The following RARRES1 variants were observed in gnomAD, a reference collection of about 807,000 sequenced individuals.
The protein encoded by RARRES1 is retinoic acid receptor responder 1, also known as retinoic acid receptor responder protein 1.
In RARRES1, 34 loss-of-function variants were observed where a neutral mutation model predicts 30.6. That is an observed-to-expected ratio of 1.11 (90% confidence interval 0.84 to 1.48). RARRES1 has a LOEUF of 1.48. RARRES1 is among the 40% of genes most tolerant of loss of function. RARRES1 has a pLI of 0.00. For missense variants in RARRES1, 373 were observed against 386.5 expected (o/e 0.97, Z 0.29); for synonymous variants, 153 against 155.5 (o/e 0.98, Z 0.12).
In RARRES1 at chr3:158,697,893, AATGTT is replaced by A; in HGVS notation, c.735+10_735+14del. ...TTATGGTAAAAACAATTCTACATAC[AATGTT>A]ATGTTTTACCTGTGTTGATAATTCA... On this transcript the variant is annotated intron_variant, in intron 5 of 5. Transcript: ENST00000237696. 6.4e-7 allele frequency: 1 copy of A among 1,559,004 alleles called. No homozygotes were observed. The highest frequency in any genetic ancestry group is 8.8e-7 in the Non-Finnish European group (1 of 1,131,640).
At chr3:158,710,478 G>A (rs916743168) in intron 3 of RARRES1, among the ~76,000 whole-genome samples, 2 of 152,162 alleles carry the variant, frequency 1.3e-5, no homozygotes, top group Admixed American at 6.5e-5. Flanking sequence ...AAAGTGCTGG[G>A]ATTACAGGCA....
intron 4 of RARRES1, among the ~76,000 whole-genome samples, chr3:158,700,603 A>G (rs940634742): frequency 6.6e-6 from 1 of 152,176 alleles, no homozygotes; most frequent in Non-Finnish European, 1.5e-5. Flanking sequence ...CAGCTTATTT[A>G]AAAAAATGCA....
At chr3:158,728,568 G>T (rs887067641) in intron 1 of RARRES1, among the ~76,000 whole-genome samples, 2 of 145,348 alleles carry the variant, frequency 1.4e-5, no homozygotes, top group East Asian at 4.1e-4. Context: ...CTGTCACCCA[G>T]GCTGGAGTGC....
chr3:158,700,877 C>G (rs1022257824), intron 4 of RARRES1, among the ~76,000 whole-genome samples: 3 of 152,074 alleles, frequency 2.0e-5, no homozygotes, highest in African/African-American at 7.2e-5. Context: ...GGTCATAACC[C>G]AACCCACCCC....
chr3:158,702,845 A>G (rs1314894396), intron 4 of RARRES1, among the ~76,000 whole-genome samples: 1 of 152,228 alleles, frequency 6.6e-6, no homozygotes, highest in Non-Finnish European at 1.5e-5. Flanking sequence ...AAAGCATTCT[A>G]TATGGGGAAA....
chr3:158,704,004 T>C (rs1726821708), intron 4 of RARRES1, among the ~76,000 whole-genome samples: 1 of 152,066 alleles, frequency 6.6e-6, no homozygotes, highest in Non-Finnish European at 1.5e-5. Context: ...TCCTATAAGC[T>C]TCCCCAATCG....
In RARRES1 at chr3:158,705,020, A is replaced by G. The variant is rs143247006; in HGVS notation, c.536-93T>C. 2,163 of 1,469,934 alleles carry G rather than the reference A, an allele frequency of 1.5e-3. 35 individuals carry two copies. In the African/African-American group the frequency reaches 0.027, roughly 18 times the overall value. The allele number at this position is 1,469,934 out of a possible 1,614,324, so 91.1% of individuals were successfully genotyped here. ...AATGAAATAGGGTTTAAACTTAGTC[A>G]TACCAGTCATCTCTCTCACAGCAAG... is the stretch of plus-strand genomic sequence containing the variant. On this transcript the variant is annotated intron_variant, in intron 3 of 5. Coordinates refer to ENST00000237696, the MANE Select transcript of RARRES1 (RefSeq NM_206963.2).
At chr3:158,699,791 T>A (rs1726665998) in intron 4 of RARRES1, among the ~76,000 whole-genome samples, 1 of 152,216 alleles carries the variant, frequency 6.6e-6, no homozygotes, top group Admixed American at 6.5e-5. Context: ...AGAGAATTCA[T>A]GAGAGAAAAT....
At chr3:158,705,285 T>C (rs924009143) in intron 3 of RARRES1, among the ~76,000 whole-genome samples, 1 of 152,140 alleles carries the variant, frequency 6.6e-6, no homozygotes, top group Non-Finnish European at 1.5e-5. Flanking sequence ...CTGAGCTGCT[T>C]CTCCCTGAGA....
At chr3:158,710,218 T>G (rs973368804) in intron 3 of RARRES1, among the ~76,000 whole-genome samples, 7 of 151,894 alleles carry the variant, frequency 4.6e-5, no homozygotes, top group Middle Eastern at 3.4e-3. Flanking sequence ...TTTTTTTTTT[T>G]TTTTTGGAGA....
At chr3:158,710,972 A>G in intron 2 of RARRES1, 39 bp from the exon 3 acceptor site, 2 of 1,543,288 alleles carry the variant, frequency 1.3e-6, no homozygotes, top group South Asian at 2.2e-5. Flanking sequence ...CCTCCCACTC[A>G]CCCCAGTGCA....
intron 4 of RARRES1, among the ~76,000 whole-genome samples, chr3:158,703,446 C>T (rs1726802526): frequency 6.6e-6 from 1 of 152,154 alleles, no homozygotes; most frequent in African/African-American, 2.4e-5. Flanking sequence ...ACCCTTTCAG[C>T]CCTATGCTCA....
chr3:158,698,328 A>G (rs1387423632), intron 4 of RARRES1: 1 of 187,758 alleles, frequency 5.3e-6, no homozygotes, highest in Non-Finnish European at 1.1e-5. Context: ...GGGAGGGGCA[A>G]TCAGTAATTC....
intron 1 of RARRES1, among the ~76,000 whole-genome samples, chr3:158,720,273 T>TGTGTGTGTGTGTGTGTGTGTGAGA (rs1160861397): frequency 6.9e-6 from 1 of 144,450 alleles, no homozygotes; most frequent in African/African-American, 2.6e-5. Context: ...TGTATGTGTG[T>TGTGTGTGTGTGTGTGTGTGTGAGA]GAGAGAGAGA....
intron 2 of RARRES1, among the ~76,000 whole-genome samples, chr3:158,713,450 G>A (rs962043211): frequency 3.3e-5 from 5 of 152,150 alleles, no homozygotes; most frequent in African/African-American, 1.2e-4. Context: ...GACAGGAAGA[G>A]AGTAAGTTGG....
chr3:158,707,038 A>T (rs965890810), intron 3 of RARRES1, among the ~76,000 whole-genome samples: 2 of 152,098 alleles, frequency 1.3e-5, no homozygotes, highest in Non-Finnish European at 2.9e-5. Context: ...GTGTGGTGGC[A>T]CACGCCTGTA....
chr3:158,719,877 A>G (rs1199104346), intron 1 of RARRES1, among the ~76,000 whole-genome samples: 1 of 152,200 alleles, frequency 6.6e-6, no homozygotes, highest in Admixed American at 6.5e-5. Flanking sequence ...AATCCTTAGC[A>G]AATCAATATT....
At chr3:158,725,627 T>TA (rs200344084) in intron 1 of RARRES1, among the ~76,000 whole-genome samples, 1,948 of 150,218 alleles carry the variant, frequency 0.013, 43 homozygotes, top group African/African-American at 0.044. Flanking sequence ...CGTGGGCTGG[T>TA]AAAAAAAAAA....
intron 1 of RARRES1, among the ~76,000 whole-genome samples, chr3:158,717,804 A>G (rs963773726): frequency 6.6e-5 from 10 of 152,106 alleles, no homozygotes; most frequent in African/African-American, 2.2e-4. Flanking sequence ...GGAGAGAAGC[A>G]TATGGTGGAC....
Sources: gnomAD v4.1 joint callset for allele counts (sites outside exome capture counted in the v4.1 genomes callset) on GRCh38, gnomAD v4.1.1 for gene constraint, MANE v1.5 for transcripts, NCBI Gene and HGNC (gene_info 2026-07-23, HGNC 2026-07-21) for gene names.